GRM7: variants seen among roughly 807,000 people sequenced by gnomAD.
GRM7 encodes metabotropic glutamate receptor 7.
In GRM7, 35 loss-of-function variants were observed where a neutral mutation model predicts 84.5. The ratio of observed to expected loss-of-function variants is 0.41; its 90% CI spans 0.32 to 0.55. The LOEUF (loss-of-function observed/expected upper bound fraction) is 0.55, where lower values mean the gene tolerates loss of function less well. Ranked by LOEUF, GRM7 falls within the 20% of genes least tolerant of loss-of-function variation. The pLI is 0.19. For missense variants in GRM7, 1,003 were observed against 1,194.6 expected (o/e 0.84, Z 2.36); for synonymous variants, 487 against 455.1 (o/e 1.07, Z -0.89).
intron 8 of GRM7, among the ~76,000 whole-genome samples, chr3:7,656,541 G>GCACA (rs1304438630): frequency 3.4e-5 from 2 of 58,278 alleles, no homozygotes; most frequent in Non-Finnish European, 6.4e-5. Flanking sequence ...ATATATATAC[G>GCACA]CGCGCGCACA....
At chr3:7,456,329 C>A (rs1698006876) in intron 6 of GRM7, among the ~76,000 whole-genome samples, 1 of 152,006 alleles carries the variant, frequency 6.6e-6, no homozygotes, top group African/African-American at 2.4e-5. Flanking sequence ...AATGACTGAG[C>A]TATCCATAGG....
At chr3:7,535,339 G>C (rs954540173) in intron 7 of GRM7, 3 of 152,174 alleles carry the variant, frequency 2.0e-5, no homozygotes, top group African/African-American at 7.2e-5. Flanking sequence ...ATCTGGAACA[G>C]ATAGGGGAAA....
At position 6,870,620 on chromosome 3, in the gene GRM7, T is replaced by C. The variant is rs549598590; in HGVS notation, c.519+8713T>C. Among the ~76,000 whole-genome samples the C allele has an allele frequency of 2.0e-5, 3 of 152,208 alleles. No individual in the cohort carries two copies. In the South Asian group the frequency reaches 6.2e-4, roughly 32 times the overall value. On this transcript the variant is annotated intron_variant, in intron 1 of 9. Transcript: ENST00000357716. Reference sequence around the variant, plus strand: ...GGACAATGCTCTGTGGTATTGAGGGTAAGGGCAAAGAGTAGTATCTGGGAG... The same window carrying C: ...GGACAATGCTCTGTGGTATTGAGGGCAAGGGCAAAGAGTAGTATCTGGGAG...
intron 2 of GRM7, among the ~76,000 whole-genome samples, chr3:7,194,837 C>T (rs1045041908): frequency 1.3e-5 from 2 of 152,094 alleles, no homozygotes; most frequent in African/African-American, 2.4e-5. Flanking sequence ...ATATAGTAAG[C>T]ATTTGTTCTT....
At chr3:7,530,764 A>G (rs1436413540) in intron 7 of GRM7, among the ~76,000 whole-genome samples, 1 of 148,470 alleles carries the variant, frequency 6.7e-6, no homozygotes, top group East Asian at 2.0e-4. Flanking sequence ...GTCTGTTCTT[A>G]TCTTTTGTCC....
intron 2 of GRM7, among the ~76,000 whole-genome samples, chr3:7,158,506 G>A (rs1172602797): frequency 6.6e-6 from 1 of 151,950 alleles, no homozygotes. Flanking sequence ...CCTACTCCAT[G>A]TAGTGTTCCT....
intron 2 of GRM7, among the ~76,000 whole-genome samples, chr3:7,210,581 T>C (rs1696388357): frequency 6.6e-6 from 1 of 152,168 alleles, no homozygotes; most frequent in Non-Finnish European, 1.5e-5. Flanking sequence ...AAATTTTTTT[T>C]TGTAATTTAA....
chr3:7,534,843 A>G (rs1161883032), intron 7 of GRM7, among the ~76,000 whole-genome samples: 1 of 152,194 alleles, frequency 6.6e-6, no homozygotes, highest in Non-Finnish European at 1.5e-5. Flanking sequence ...ATCTTTGGCA[A>G]TAGAAAAACA....
chr3:7,306,169 A>G (rs1700188051), intron 3 of GRM7, among the ~76,000 whole-genome samples: 1 of 152,150 alleles, frequency 6.6e-6, no homozygotes, highest in South Asian at 2.1e-4. Context: ...TTTGGCCAAT[A>G]TGTGAAATGA....
chr3:7,300,112 C>A (rs1259800458), intron 3 of GRM7, among the ~76,000 whole-genome samples: 6 of 152,004 alleles, frequency 3.9e-5, no homozygotes, highest in Admixed American at 3.9e-4. Context: ...TTTACACTTC[C>A]ATTGATGTGA....
At chr3:7,280,284 A>T (rs1244125284) in intron 2 of GRM7, among the ~76,000 whole-genome samples, 1 of 152,228 alleles carries the variant, frequency 6.6e-6, no homozygotes, top group Non-Finnish European at 1.5e-5. Flanking sequence ...AAAACAGTAC[A>T]CCTGAGTTAA....
rs76452523 is a variant in GRM7, at chr3:7,242,018, G to C, written c.737-56666G>C. Among the ~76,000 whole-genome samples, 56 of 152,164 alleles carry C rather than the reference G, an allele frequency of 3.7e-4. 2 individuals carry two copies. The East Asian group carries it at 0.011, about 29-fold the overall frequency. Reference sequence around the variant, plus strand: ...TTTTATAGCTTCAATGAAATGGGATGGAAACAACATCTTTATCTCTGAGGA... The same window carrying C: ...TTTTATAGCTTCAATGAAATGGGATCGAAACAACATCTTTATCTCTGAGGA... On this transcript the variant is annotated intron_variant, in intron 2 of 9. Coordinates refer to ENST00000357716, the MANE Select transcript of GRM7 (RefSeq NM_000844.4).
chr3:7,483,545 T>C (rs1037341051), intron 7 of GRM7, among the ~76,000 whole-genome samples: 2 of 152,170 alleles, frequency 1.3e-5, no homozygotes, highest in Non-Finnish European at 2.9e-5. Context: ...AACTCAGAGA[T>C]AGACAAAGGC....
At chr3:7,257,838 G>A (rs1698265311) in intron 2 of GRM7, among the ~76,000 whole-genome samples, 1 of 152,054 alleles carries the variant, frequency 6.6e-6, no homozygotes, top group Non-Finnish European at 1.5e-5. Context: ...TTCCTACACT[G>A]AGTAATTAAT....
chr3:7,600,912 CAGAAAT>C (rs1183668930), intron 8 of GRM7, among the ~76,000 whole-genome samples: 2 of 152,114 alleles, frequency 1.3e-5, no homozygotes, highest in African/African-American at 4.8e-5. Flanking sequence ...GAAAGACAGA[CAGAAAT>C]AGATAGCAAT....
chr3:7,263,817 G>A (rs1418402773), intron 2 of GRM7, among the ~76,000 whole-genome samples: 1 of 151,998 alleles, frequency 6.6e-6, no homozygotes, highest in Non-Finnish European at 1.5e-5. Context: ...GGGTAGGTTG[G>A]GGGTTCATTC....
chr3:7,616,658 C>A (rs1443319108), intron 8 of GRM7, among the ~76,000 whole-genome samples: 1 of 152,060 alleles, frequency 6.6e-6, no homozygotes, highest in African/African-American at 2.4e-5. Context: ...TATAGCTGAT[C>A]TTTTCTTTGG....
chr3:7,075,532 G>GTGTGTGTGTGTGTGTGTT (rs1559422775), intron 1 of GRM7, among the ~76,000 whole-genome samples: 10 of 147,708 alleles, frequency 6.8e-5, no homozygotes, highest in African/African-American at 2.3e-4. Flanking sequence ...GTGTGTGTGT[G>GTGTGTGTGTGTGTGTGTT]TGTGTGTGTG....
At chr3:7,492,337 A>C (rs552940737) in intron 7 of GRM7, among the ~76,000 whole-genome samples, 2 of 152,212 alleles carry the variant, frequency 1.3e-5, no homozygotes, top group South Asian at 4.2e-4. Flanking sequence ...CTGCACCTAA[A>C]AGTTCACTTT....
Sources: gnomAD v4.1 joint callset for allele counts (sites outside exome capture counted in the v4.1 genomes callset) on GRCh38, gnomAD v4.1.1 for gene constraint, MANE v1.5 for transcripts, NCBI Gene and HGNC (gene_info 2026-07-23, HGNC 2026-07-21) for gene names.